The following DHRS12 variants were observed in gnomAD, a reference collection of about 807,000 sequenced individuals.
The protein encoded by DHRS12 is dehydrogenase/reductase 12.
In DHRS12, 29 loss-of-function variants were observed where a neutral mutation model predicts 32.1. The observed-to-expected ratio is 0.90, with a 90% CI of 0.67 to 1.23. DHRS12 has a LOEUF of 1.23. Among genes scored for constraint, DHRS12 ranks in the 50% most tolerant of loss-of-function variants. The pLI, the probability that DHRS12 is intolerant of heterozygous loss-of-function variation, is 0.00. For missense variants in DHRS12, 330 were observed against 337.2 expected, an observed-to-expected ratio of 0.98 and a Z score of 0.17; for synonymous variants, 150 against 135.9, an observed-to-expected ratio of 1.10 and a Z score of -0.72.
At chr13:51,789,652 G>T in intron 4 of DHRS12, 1 of 985,382 alleles carries the variant, frequency 1.0e-6, no homozygotes, top group South Asian at 4.7e-5. Flanking sequence ...TTGCCCACTG[G>T]TTGCACCTTC....
the DHRS12 span, chr13:51,756,442 C>A: frequency 3.1e-6 from 5 of 1,613,998 alleles, no homozygotes; most frequent in Non-Finnish European, 4.2e-6. Flanking sequence ...ACAGCTGCCA[C>A]GAGGCCATCA....
chr13:51,768,496 G>A, intron 8 of DHRS12, 200 bp from the exon 9 acceptor site: 2 of 1,419,450 alleles, frequency 1.4e-6, no homozygotes, highest in East Asian at 2.6e-5. Context: ...TTGGGAACTG[G>A]GAGGCTGCAG....
chr13:51,768,686 C>T, intron 8 of DHRS12: 1 of 1,128,440 alleles, frequency 8.9e-7, no homozygotes, highest in Non-Finnish European at 1.1e-6. Context: ...CAAGTGCTGT[C>T]TTCGGATGGC....
At chr13:51,788,108 T>C (rs1955079299) in intron 4 of DHRS12, among the ~76,000 whole-genome samples, 1 of 151,434 alleles carries the variant, frequency 6.6e-6, no homozygotes, top group African/African-American at 2.4e-5. Context: ...CCTGGTTTAA[T>C]GCTCTGTGGT....
At chr13:51,797,814 G>C in intron 2 of DHRS12, 1 of 1,534,596 alleles carries the variant, frequency 6.5e-7, no homozygotes, top group South Asian at 1.2e-5. Context: ...GGAGGGGTGA[G>C]GAGCTGCTCA....
chr13:51,772,579 G>T, intron 6 of DHRS12: 1 of 964,740 alleles, frequency 1.0e-6, no homozygotes, highest in Non-Finnish European at 1.2e-6. Context: ...CCAAGGAGAT[G>T]GAGGTTGCAG....
intron 6 of DHRS12, among the ~76,000 whole-genome samples, chr13:51,773,387 T>A (rs1020907140): frequency 6.6e-6 from 1 of 152,162 alleles, no homozygotes; most frequent in African/African-American, 2.4e-5. Flanking sequence ...AGGTGTGGGA[T>A]TTCCCACTTG....
chr13:51,790,024 A>G lies in DHRS12; in HGVS notation c.288T>C (p.Ala96=). 1.9e-6 allele frequency: 3 copies of G among 1,605,138 alleles called. No individual in the cohort carries two copies. Among genetic ancestry groups the G allele is most frequent in the African/African-American group, 1.3e-5 (1 of 74,296 alleles). ...LTEDGLEKNF[A]ANTLGVYILT... ...TCTTGTACTTACCCAGAGTATTGGC[A>G]GCAAAGTTTTTTTCAAGTCCATCTT... Residue 96 remains alanine, a synonymous_variant, in exon 4 of 9, where the codon GCT becomes GCC. Coordinates refer to ENST00000444610, the MANE Select transcript of DHRS12 (RefSeq NM_001377533.1).
At chr13:51,796,607 T>A (rs2139378753) in intron 2 of DHRS12, among the ~76,000 whole-genome samples, 1 of 152,296 alleles carries the variant, frequency 6.6e-6, no homozygotes, top group South Asian at 2.1e-4. Context: ...TAAATATACT[T>A]TTTAAAGCCT....
At position 51,782,842 on chromosome 13, in the gene DHRS12, T is replaced by G. The variant is rs567191549; in HGVS notation, c.302-5721A>C. ...TTTCTAAAACTCCTCAAATGAATGT[T>G]TGTTACCAGCACACCTTTAAAACAC... On this transcript the variant is annotated intron_variant, in intron 4 of 8. Coordinates refer to ENST00000444610, the MANE Select transcript of DHRS12 (RefSeq NM_001377533.1). The surrounding 1 kb of genome is among the most constrained non-coding windows in gnomAD (Gnocchi z 4.2). Among the ~76,000 whole-genome samples, 135 of 152,270 alleles carry G rather than the reference T, an allele frequency of 8.9e-4. No individual in the cohort carries two copies. Among genetic ancestry groups the G allele is most frequent in the Middle Eastern group, 3.4e-3 (1 of 294 alleles).
intron 8 of DHRS12, chr13:51,768,542 G>C (rs1221357866): frequency 7.3e-7 from 1 of 1,369,320 alleles, no homozygotes; most frequent in African/African-American, 1.5e-5. Flanking sequence ...TGGGTGATCA[G>C]CAGGAAGGGG....
At chr13:51,778,477 C>A (rs1013957150) in intron 4 of DHRS12, among the ~76,000 whole-genome samples, 1 of 152,158 alleles carries the variant, frequency 6.6e-6, no homozygotes, top group Non-Finnish European at 1.5e-5. Flanking sequence ...AGCCAGTGGT[C>A]TTGGACTTTC....
intron 8 of DHRS12, 63 bp from the exon 9 acceptor site, chr13:51,768,359 C>T: frequency 2.0e-6 from 3 of 1,532,240 alleles, no homozygotes; most frequent in Admixed American, 2.0e-5. Flanking sequence ...GTCCATGTCC[C>T]TGTGCTGCTC....
intron 3 of DHRS12, 124 bp from the exon 4 acceptor site, chr13:51,790,216 G>T (rs1337206931): frequency 6.0e-6 from 4 of 669,958 alleles, no homozygotes; most frequent in African/African-American, 3.8e-5. Context: ...ATGACAATTT[G>T]CTCAACTGAT....
At chr13:51,765,693 T>C (rs1953724509), downstream of DHRS12, 1 of 152,164 alleles carries the variant, frequency 6.6e-6, no homozygotes, top group African/African-American at 2.4e-5. Flanking sequence ...TCATATCAAG[T>C]GAGTTGCTTT....
chr13:51,800,673 G>A (rs985878949), intron 1 of DHRS12, among the ~76,000 whole-genome samples: 1 of 152,236 alleles, frequency 6.6e-6, no homozygotes, highest in African/African-American at 2.4e-5. Flanking sequence ...CCCATGCCCT[G>A]GTACAGCACA....
chr13:51,769,183 C>T lies in DHRS12; in HGVS notation c.670G>A (p.Ala224Thr), dbSNP rs199732858. The change falls in exon 8 of 9, where the codon GCA (alanine) becomes ACA (threonine). Residue 224 changes from alanine (A) to threonine (T), a missense_variant. Ala to Thr is a moderately conservative substitution (Grantham distance 58). Transcript: ENST00000444610. Reference protein sequence around the residue: ...LWLALSSAAAAQPSGRFFQDR... With the variant: ...LWLALSSAAATQPSGRFFQDR... ...TGAAAGAAGCGGCCGCTGGGCTGTG[C>T]GGCTGCGGCAGAGGAGAGGGCCAGC... is the stretch of plus-strand genomic sequence containing the variant. 5.8e-5 allele frequency: 90 copies of T among 1,554,536 alleles called. 1 individual carries two copies. In the African/African-American group the frequency reaches 9.9e-4, roughly 17 times the overall value.
chr13:51,755,215 AT>A, the DHRS12 span: 1 of 744,158 alleles, frequency 1.3e-6, no homozygotes, highest in Admixed American at 2.6e-5. Flanking sequence ...TTCAGTAAAT[AT>A]TTTTTGAATG....
intron 2 of DHRS12, chr13:51,797,714 A>G (rs746215097): frequency 1.8e-6 from 2 of 1,119,686 alleles, no homozygotes; most frequent in Non-Finnish European, 1.3e-6. Context: ...TCCAAAGCAG[A>G]AGCACAAACA....
Sources: allele counts gnomAD v4.1 joint callset (sites outside exome capture counted in the v4.1 genomes callset), GRCh38; gene constraint gnomAD v4.1.1; non-coding constraint Gnocchi (gnomAD v3.1); transcripts MANE v1.5; gene names NCBI Gene and HGNC (gene_info 2026-07-23, HGNC 2026-07-21).